CSMD1: variants seen among roughly 807,000 people sequenced by gnomAD.
CSMD1 encodes CUB and Sushi multiple domains 1.
Under a neutral mutation model 417.5 loss-of-function variants are expected in CSMD1, and 213 were observed. The observed-to-expected ratio is 0.51, with a 90% CI of 0.46 to 0.57. The LOEUF is 0.57. CSMD1 is among the 20% of genes least tolerant of loss of function. The pLI, the probability that CSMD1 is intolerant of heterozygous loss-of-function variation, is 0.00. For synonymous variants in CSMD1, 2,862 were observed against 1,736.8 expected, an observed-to-expected ratio of 1.65 and a Z score of -16.11; for missense variants, 6,923 against 4,529.7, an observed-to-expected ratio of 1.53 and a Z score of -15.17.
intron 1 of CSMD1, among the ~76,000 whole-genome samples, chr8:4,724,518 A>ATG (rs1208301944): frequency 4.6e-4 from 63 of 138,280 alleles, no homozygotes; most frequent in African/African-American, 1.1e-3. Context: ...CTTTATATAT[A>ATG]TATGTGTGTG....
chr8:4,138,164 C>T (rs1248382969), intron 3 of CSMD1, among the ~76,000 whole-genome samples: 1 of 146,890 alleles, frequency 6.8e-6, no homozygotes, highest in Admixed American at 7.0e-5. Flanking sequence ...ATCCTCCCAC[C>T]TGGGCCTCCC....
chr8:3,115,359 G>A (rs1054367868), intron 42 of CSMD1, among the ~76,000 whole-genome samples: 3 of 152,004 alleles, frequency 2.0e-5, no homozygotes, highest in South Asian at 2.1e-4. Context: ...CTGCCACCAC[G>A]CCTGGCTAAG....
chr8:3,219,918 T>G lies in CSMD1; in HGVS notation c.4485-476A>C, dbSNP rs181372521. 5.2e-3 allele frequency among the ~76,000 whole-genome samples: 787 copies of G among 152,304 alleles called. 2 individuals are homozygous for G. The highest frequency in any genetic ancestry group is 7.5e-3 in the Non-Finnish European group (513 of 68,022). On this transcript the variant is annotated intron_variant, in intron 28 of 69. Transcript: ENST00000635120. ...CAGTAGAATTACTGACTATTCTTAC[T>G]TTTATTTTTACTTAAAAAATGCAGT...
At chr8:4,193,394 TC>T (rs1172601583) in intron 3 of CSMD1, among the ~76,000 whole-genome samples, 1 of 152,198 alleles carries the variant, frequency 6.6e-6, no homozygotes, top group Non-Finnish European at 1.5e-5. Flanking sequence ...AAATGAATAT[TC>T]CTGGGCTTCC....
intron 3 of CSMD1, among the ~76,000 whole-genome samples, chr8:4,365,089 C>T (rs1355707388): frequency 1.3e-5 from 2 of 152,020 alleles, no homozygotes; most frequent in African/African-American, 4.8e-5. Context: ...GGCAAGTTTA[C>T]AAGAAAAAGT....
intron 5 of CSMD1, among the ~76,000 whole-genome samples, chr8:3,970,063 A>G (rs750566739): frequency 6.6e-5 from 10 of 152,206 alleles, no homozygotes; most frequent in Non-Finnish European, 1.3e-4. Flanking sequence ...ACTACTAAGT[A>G]GTCTATGTTA....
chr8:4,156,811 C>T (rs1265689150), intron 3 of CSMD1, among the ~76,000 whole-genome samples: 2 of 152,110 alleles, frequency 1.3e-5, no homozygotes, highest in African/African-American at 2.4e-5. Context: ...ATCCCAGCAG[C>T]GAGCAGCAAG....
intron 2 of CSMD1, among the ~76,000 whole-genome samples, chr8:4,594,102 T>G (rs1325361759): frequency 2.0e-5 from 3 of 151,960 alleles, no homozygotes; most frequent in East Asian, 3.9e-4. Flanking sequence ...TCTGTCTATG[T>G]GTCAAGTTTC....
chr8:3,945,916 C>A (rs1393935742), intron 5 of CSMD1, among the ~76,000 whole-genome samples: 1 of 152,140 alleles, frequency 6.6e-6, no homozygotes, highest in Non-Finnish European at 1.5e-5. Flanking sequence ...CAAGACGTGG[C>A]TCCAACTAAG....
At chr8:3,036,457 T>C (rs912730330) in intron 50 of CSMD1, among the ~76,000 whole-genome samples, 4 of 152,224 alleles carry the variant, frequency 2.6e-5, no homozygotes, top group East Asian at 3.9e-4. Context: ...TAACCAACTT[T>C]AATTGAAGCA....
At chr8:3,011,261 G>C (rs927816991) in intron 52 of CSMD1, among the ~76,000 whole-genome samples, 11 of 152,122 alleles carry the variant, frequency 7.2e-5, no homozygotes, top group African/African-American at 2.2e-4. Context: ...CTGAGAACTG[G>C]TATAGGGAGT....
chr8:4,082,605 CGTTTT>C (rs776807522), intron 3 of CSMD1, among the ~76,000 whole-genome samples: 66 of 145,006 alleles, frequency 4.6e-4, no homozygotes, highest in Admixed American at 8.9e-4. Context: ...TTTCTTTTTT[CGTTTT>C]ATTTTATTTT....
chr8:4,410,944 G>A (rs576984544), intron 3 of CSMD1, among the ~76,000 whole-genome samples: 1 of 152,278 alleles, frequency 6.6e-6, no homozygotes, highest in South Asian at 2.1e-4. Context: ...ATTTGTTCTA[G>A]TGGGACTAGG....
intron 10 of CSMD1, among the ~76,000 whole-genome samples, chr8:3,546,746 G>T (rs972563054): frequency 6.6e-6 from 1 of 152,204 alleles, no homozygotes; most frequent in African/African-American, 2.4e-5. Flanking sequence ...GCAGAAATCA[G>T]CCTGCACAGT....
intron 49 of CSMD1, among the ~76,000 whole-genome samples, chr8:3,086,253 T>C (rs1481357560): frequency 6.6e-6 from 1 of 152,246 alleles, no homozygotes; most frequent in East Asian, 1.9e-4. Flanking sequence ...TCTATCTCTA[T>C]GTTTATTTTA....
intron 1 of CSMD1, among the ~76,000 whole-genome samples, chr8:4,705,760 A>G (rs1807897162): frequency 6.6e-6 from 1 of 152,206 alleles, no homozygotes; most frequent in South Asian, 2.1e-4. Context: ...ATTTTAAAAT[A>G]TGACTGAATA....
chr8:3,710,111 GAC>G (rs1279797692), intron 6 of CSMD1, among the ~76,000 whole-genome samples: 1 of 143,344 alleles, frequency 7.0e-6, no homozygotes, highest in African/African-American at 2.5e-5. Flanking sequence ...ACGCATTCAT[GAC>G]ACACCTTTTT....
chr8:3,205,356 G>A, intron 31 of CSMD1, 148 bp downstream of exon 31: 1 of 562,350 alleles, frequency 1.8e-6, no homozygotes, highest in African/African-American at 1.9e-5. Flanking sequence ...TGCAGGATAT[G>A]TTTGGAAGGC....
intron 3 of CSMD1, among the ~76,000 whole-genome samples, chr8:4,416,395 A>G (rs930878099): frequency 2.0e-5 from 3 of 152,150 alleles, no homozygotes; most frequent in African/African-American, 7.2e-5. Context: ...ACCAATATTT[A>G]AATTATTGAA....
Sources: allele counts gnomAD v4.1 joint callset (sites outside exome capture counted in the v4.1 genomes callset), GRCh38; gene constraint gnomAD v4.1.1; transcripts MANE v1.5; gene names NCBI Gene and HGNC (gene_info 2026-07-23, HGNC 2026-07-21).